B3GALT1: variants seen among roughly 807,000 people sequenced by gnomAD.
B3GALT1 encodes the protein beta-1,3-galactosyltransferase 1, also known as UDP-Gal:betaGlcNAc beta 1,3-galactosyltransferase, polypeptide 1.
B3GALT1 carries 10 observed loss-of-function variants against 23.2 expected under a neutral mutation model. The ratio of observed to expected loss-of-function variants is 0.43; its 90% CI spans 0.27 to 0.73. B3GALT1 has a LOEUF of 0.73. Ranked by LOEUF, B3GALT1 falls within the 30% of genes least tolerant of loss-of-function variation. The pLI is 0.21. For synonymous variants in B3GALT1, 156 were observed against 141.5 expected, an observed-to-expected ratio of 1.10 and a Z score of -0.73; for missense variants, 299 against 405.4, an observed-to-expected ratio of 0.74 and a Z score of 2.25.
At chr2:167,851,563 A>T (rs983339968) in intron 4 of B3GALT1, among the ~76,000 whole-genome samples, 39 of 152,336 alleles carry the variant, frequency 2.6e-4, no homozygotes, top group African/African-American at 8.9e-4. Context: ...AATAAATCTG[A>T]TGAACATTGT....
chr2:167,715,907 A>G (rs1397399362), intron 3 of B3GALT1: 1 of 1,613,250 alleles, frequency 6.2e-7, no homozygotes, highest in African/African-American at 1.3e-5. Context: ...GGAGAACAAC[A>G]AAAAATCCAA....
intron 2 of B3GALT1, among the ~76,000 whole-genome samples, chr2:167,639,791 C>T (rs1311579905): frequency 6.6e-6 from 1 of 151,980 alleles, no homozygotes; most frequent in African/African-American, 2.4e-5. Context: ...CATTGTTGAT[C>T]AAAAGAAATA....
chr2:167,349,230 T>A (rs1382295184), intron 1 of B3GALT1, among the ~76,000 whole-genome samples: 1 of 152,220 alleles, frequency 6.6e-6, no homozygotes, highest in Non-Finnish European at 1.5e-5. Flanking sequence ...AGTAGCGTGA[T>A]GAAATTTCCC....
At chr2:167,369,504 A>G (rs1338733017) in intron 1 of B3GALT1, among the ~76,000 whole-genome samples, 1 of 152,208 alleles carries the variant, frequency 6.6e-6, no homozygotes, top group African/African-American at 2.4e-5. Context: ...GAAGTATTAC[A>G]CTGAGTAAAC....
At chr2:167,835,026 T>A (rs1689429038) in intron 4 of B3GALT1, among the ~76,000 whole-genome samples, 1 of 151,988 alleles carries the variant, frequency 6.6e-6, no homozygotes, top group African/African-American at 2.4e-5. Context: ...CATAACCTCC[T>A]TGAAAAGCCT....
intron 2 of B3GALT1, among the ~76,000 whole-genome samples, chr2:167,615,994 T>A (rs1393852175): frequency 6.6e-6 from 1 of 152,100 alleles, no homozygotes; most frequent in African/African-American, 2.4e-5. Context: ...CATATGCCAC[T>A]CAACATTTAT....
chr2:167,704,153 A>G (rs191143888), intron 3 of B3GALT1, among the ~76,000 whole-genome samples: 3 of 138,884 alleles, frequency 2.2e-5, no homozygotes, highest in Non-Finnish European at 3.0e-5. Flanking sequence ...TGCACTCCAG[A>G]CTGGGCAAAG....
chr2:167,332,866 T>G (rs970586585), intron 1 of B3GALT1, among the ~76,000 whole-genome samples: 1 of 152,232 alleles, frequency 6.6e-6, no homozygotes, highest in Non-Finnish European at 1.5e-5. Context: ...CCAAACTCCT[T>G]GGACCCACGG....
intron 3 of B3GALT1, among the ~76,000 whole-genome samples, chr2:167,668,326 A>G (rs530224925): frequency 8.5e-5 from 13 of 152,188 alleles, no homozygotes; most frequent in African/African-American, 1.9e-4. Context: ...CTCCAGCTGC[A>G]TGCTGGGAGA....
chr2:167,418,816 C>T (rs544249601), intron 1 of B3GALT1, among the ~76,000 whole-genome samples: 2 of 152,056 alleles, frequency 1.3e-5, no homozygotes, highest in African/African-American at 2.4e-5. Flanking sequence ...GGATTACAGG[C>T]GTGAGCCACT....
intron 2 of B3GALT1, among the ~76,000 whole-genome samples, chr2:167,570,978 AC>A (rs924830705): frequency 1.3e-5 from 2 of 151,992 alleles, no homozygotes; most frequent in African/African-American, 4.8e-5. Context: ...CGATTCTCAT[AC>A]ATAATAACAT....
At chr2:167,711,597 T>C (rs902987924) in intron 3 of B3GALT1, among the ~76,000 whole-genome samples, 4 of 152,184 alleles carry the variant, frequency 2.6e-5, no homozygotes, top group Admixed American at 1.3e-4. Flanking sequence ...AATCTGGTAA[T>C]TTCCAAGTGG....
intron 2 of B3GALT1, among the ~76,000 whole-genome samples, chr2:167,569,478 T>C (rs942526004): frequency 1.3e-5 from 2 of 151,978 alleles, no homozygotes. Flanking sequence ...TATTGTGTTT[T>C]AATTCTAAAT....
At chr2:167,866,763 G>A (rs1056223991) in intron 4 of B3GALT1, among the ~76,000 whole-genome samples, 33 of 152,170 alleles carry the variant, frequency 2.2e-4, no homozygotes, top group African/African-American at 8.0e-4. Context: ...AATGGAGTAG[G>A]AAAGTATGCA....
intron 1 of B3GALT1, among the ~76,000 whole-genome samples, chr2:167,395,326 T>C (rs1359932908): frequency 6.6e-6 from 1 of 152,120 alleles, no homozygotes; most frequent in Non-Finnish European, 1.5e-5. Context: ...ATTGTCTGGG[T>C]GGGCCTGATG....
In B3GALT1 at chr2:167,339,075, T is replaced by C. The variant is rs148738876; in HGVS notation, c.-511+45741T>C. On this transcript the variant is annotated intron_variant, in intron 1 of 4. Transcript: ENST00000392690. ...CAGTTTGCTCAAATTAAAGATATGC[T>C]ATACTTTGCTCTAGCAATTCTCCTT... Among the ~76,000 whole-genome samples the C allele has an allele frequency of 4.0e-3, 610 of 152,280 alleles. 2 individuals are homozygous for C. The highest frequency in any genetic ancestry group is 0.013 in the African/African-American group (557 of 41,576).
intron 2 of B3GALT1, among the ~76,000 whole-genome samples, chr2:167,609,245 T>C (rs999503858): frequency 5.9e-5 from 9 of 152,156 alleles, no homozygotes; most frequent in African/African-American, 2.2e-4. Flanking sequence ...TTTTCATGAC[T>C]TAGATTTAAA....
chr2:167,493,366 A>G (rs959055669), intron 2 of B3GALT1, among the ~76,000 whole-genome samples: 1 of 152,208 alleles, frequency 6.6e-6, no homozygotes, highest in Non-Finnish European at 1.5e-5. Flanking sequence ...TGCCTGACAC[A>G]TTTATTTTGT....
chr2:167,524,200 A>C (rs1683183588), intron 2 of B3GALT1, among the ~76,000 whole-genome samples: 1 of 152,160 alleles, frequency 6.6e-6, no homozygotes, highest in African/African-American at 2.4e-5. Context: ...ATTTCTTTTC[A>C]TGAGGTTGGA....
Sources: allele counts gnomAD v4.1 joint callset (sites outside exome capture counted in the v4.1 genomes callset), GRCh38; gene constraint gnomAD v4.1.1; transcripts MANE v1.5; gene names NCBI Gene and HGNC (gene_info 2026-07-23, HGNC 2026-07-21).